TMEM150B: variants seen among roughly 807,000 people sequenced by gnomAD.
TMEM150B encodes the protein transmembrane protein 150B, also known as modulator of macroautophagy TMEM150B.
In TMEM150B, 33 loss-of-function variants were observed where a neutral mutation model predicts 25.2. The ratio of observed to expected loss-of-function variants is 1.31; its 90% CI spans 0.99 to 1.75. The LOEUF (loss-of-function observed/expected upper bound fraction) is 1.75, where lower values mean the gene tolerates loss of function less well. Among genes scored for constraint, TMEM150B ranks in the 40% most tolerant of loss-of-function variants. The pLI is 0.00. For missense variants in TMEM150B, 322 were observed against 306.1 expected, an observed-to-expected ratio of 1.05 and a Z score of -0.39; for synonymous variants, 133 against 134.8, an observed-to-expected ratio of 0.99 and a Z score of 0.09.
chr19:55,313,134 G>T (rs2088863595), intron 7 of TMEM150B, 79 bp from the exon 8 acceptor site: 3 of 1,433,264 alleles, frequency 2.1e-6, no homozygotes, highest in Non-Finnish European at 2.8e-6. Flanking sequence ...CTCGCGCTGG[G>T]CGGAGGCCGT....
Position 55,320,389 on chromosome 19 carries a change from A to G in TMEM150B, c.196+2T>C. On this transcript the variant is annotated splice_donor_variant, in intron 5 of 7. Transcript: ENST00000326652. LOFTEE classifies it high-confidence loss of function. ...TGAACCAAAGGGCTGGGCAATATTT[A>G]CCCAGAGCAGCTCCCATATTGAGCA... 1 of 1,547,134 alleles carries G rather than the reference A, an allele frequency of 6.5e-7. No homozygotes were observed.
At position 55,323,935 on chromosome 19, in the gene TMEM150B, T is replaced by C. The variant is rs757192000; in HGVS notation, c.-153-1192A>G. ...GATTCTCATGCCTCAGCCTCCCAAG[T>C]AGCTGGGATTACAGGTGCCCGCCAC... On this transcript the variant is annotated intron_variant, in intron 1 of 7. Coordinates refer to ENST00000326652, the MANE Select transcript of TMEM150B (RefSeq NM_001282011.2). Among the ~76,000 whole-genome samples, 393 of 147,776 alleles carry C rather than the reference T, an allele frequency of 2.7e-3. 1 individual carries two copies. Among genetic ancestry groups the C allele is most frequent in the Non-Finnish European group, 4.0e-3 (267 of 66,964 alleles).
chr19:55,315,334 G>A (rs1037614201), intron 7 of TMEM150B, among the ~76,000 whole-genome samples: 26 of 148,332 alleles, frequency 1.8e-4, no homozygotes, highest in African/African-American at 6.0e-4. Context: ...ATAATAACAA[G>A]ATAATAATAA....
At chr19:55,324,785 T>A in intron 1 of TMEM150B, 1 of 985,472 alleles carries the variant, frequency 1.0e-6, no homozygotes, top group South Asian at 4.7e-5. Flanking sequence ...CTCGTCTTCC[T>A]CCTTTCGCTT....
At chr19:55,315,628 G>T (rs1773492207) in intron 7 of TMEM150B, among the ~76,000 whole-genome samples, 1 of 152,156 alleles carries the variant, frequency 6.6e-6, no homozygotes, top group Admixed American at 6.5e-5. Flanking sequence ...GGGCATGGTG[G>T]CTGGCGCCTG....
chr19:55,318,634 T>A (rs1279488961), intron 6 of TMEM150B, among the ~76,000 whole-genome samples: 1 of 152,048 alleles, frequency 6.6e-6, no homozygotes. Flanking sequence ...AGACTCCATC[T>A]CCAATATATG....
At chr19:55,312,161 G>A (rs993687666), downstream of TMEM150B, 15 of 597,976 alleles carry the variant, frequency 2.5e-5, no homozygotes, top group Middle Eastern at 4.5e-4. Flanking sequence ...GGAACATGTC[G>A]GGAGGGGGGT....
At chr19:55,320,697 G>GC in intron 3 of TMEM150B, 80 bp from the exon 4 acceptor site, 2 of 1,541,246 alleles carry the variant, frequency 1.3e-6, no homozygotes, top group Non-Finnish European at 1.8e-6. Context: ...AGGACTTCTA[G>GC]CCCCCTCCAC....
chr19:55,319,832 A>G, intron 6 of TMEM150B: 1 of 1,408,904 alleles, frequency 7.1e-7, no homozygotes, highest in Non-Finnish European at 9.2e-7. Context: ...GAAGTCCTAC[A>G]TACAAACAGC....
chr19:55,316,515 C>T (rs1004910010), intron 7 of TMEM150B, among the ~76,000 whole-genome samples: 3 of 152,064 alleles, frequency 2.0e-5, no homozygotes, highest in Admixed American at 2.0e-4. Context: ...TCAGCCCTGT[C>T]GTTATCCACA....
At chr19:55,321,130 G>C (rs557547746) in intron 2 of TMEM150B, 37 bp from the exon 3 acceptor site, 102 of 1,502,334 alleles carry the variant, frequency 6.8e-5, no homozygotes, top group Non-Finnish European at 8.3e-5. Context: ...CCAGGTGCAT[G>C]AGATTGTGGC....
downstream of TMEM150B, chr19:55,312,535 A>G (rs2088831860): frequency 7.0e-6 from 1 of 142,968 alleles, no homozygotes; most frequent in Non-Finnish European, 1.5e-5. Context: ...GCCGGCGGCA[A>G]AAAAAAAAAA....
chr19:55,313,331 A>G (rs2088874159), intron 7 of TMEM150B, among the ~76,000 whole-genome samples: 1 of 151,842 alleles, frequency 6.6e-6, no homozygotes, highest in Non-Finnish European at 1.5e-5. Context: ...CCCTTCCCTG[A>G]CCCAGGGAAG....
intron 7 of TMEM150B, among the ~76,000 whole-genome samples, chr19:55,314,210 TAG>T (rs1312361957): frequency 6.6e-6 from 1 of 152,096 alleles, no homozygotes; most frequent in African/African-American, 2.4e-5. Context: ...TTAGTAGAGA[TAG>T]AGTTTCACCG....
chr19:55,316,742 T>G, intron 7 of TMEM150B, 44 bp downstream of exon 7: 2 of 1,426,152 alleles, frequency 1.4e-6, no homozygotes, highest in South Asian at 3.3e-5. Context: ...CCAACTCCAG[T>G]GAAGAGCCAC....
In TMEM150B at chr19:55,320,152, T is replaced by C. The variant is rs565858642; in HGVS notation, c.211A>G (p.Ile71Val). 3.7e-6 allele frequency: 6 copies of C among 1,613,786 alleles called. No homozygotes were observed. The highest frequency in any genetic ancestry group is 4.2e-6 in the Non-Finnish European group (5 of 1,179,976). Residue 71 changes from isoleucine (I) to valine (V), a missense_variant, in exon 6 of 8, where the codon ATT (isoleucine) becomes GTT (valine). Ile to Val is a conservative substitution (Grantham distance 29, BLOSUM62 3). Transcript: ENST00000326652. The stretch of plus-strand genomic sequence containing the variant: ...TCCCGGAGCTGGTGGTAACGGACAA[T>C]GCAGATCCACGCGGCTGGGAGTAGA... ...MGAALAAWIC[I>V]VRYHQLRDWG...
Position 55,321,082 on chromosome 19 carries a change from T to G in TMEM150B, c.-46A>C. The G allele has an allele frequency of 6.3e-7, 1 of 1,587,994 alleles. No individual in the cohort carries two copies. Among genetic ancestry groups the G allele is most frequent in the African/African-American group, 1.3e-5 (1 of 74,116 alleles). On this transcript the variant is annotated 5_prime_UTR_variant, in exon 3 of 8. Coordinates refer to ENST00000326652, the MANE Select transcript of TMEM150B (RefSeq NM_001282011.2). ...GATCGGGGCTGAGGCTGGACACCTG[T>G]CTCTCTCACACCTGAAGAACCAGCC...
chr19:55,322,685 G>C lies in TMEM150B; in HGVS notation c.-95C>G, dbSNP rs2089238351. 1 of 985,172 alleles carries C rather than the reference G, an allele frequency of 1.0e-6. No individual in the cohort carries two copies. The highest frequency in any genetic ancestry group is 1.7e-5 in the African/African-American group (1 of 57,162). The allele number at this position is 985,172 out of a possible 1,614,324, so 61.0% of individuals were successfully genotyped here. The stretch of plus-strand genomic sequence containing the variant: ...CCTGGGGCTCTCAGTCCTGGAGCTG[G>C]GGCTGGGTGAGCTCAGGGAAGAAGG... On this transcript the variant is annotated 5_prime_UTR_variant, in exon 2 of 8. Transcript: ENST00000326652.
Position 55,320,464 on chromosome 19 carries a change from G to A in TMEM150B, c.129-6C>T, listed in dbSNP as rs1270330454. 6.3e-7 allele frequency: 1 copy of A among 1,597,114 alleles called. No individual in the cohort carries two copies. The highest frequency in any genetic ancestry group is 8.5e-7 in the Non-Finnish European group (1 of 1,170,620). On this transcript the variant is annotated splice_region_variant and splice_polypyrimidine_tract_variant and intron_variant, in intron 4 of 7. Coordinates refer to ENST00000326652, the MANE Select transcript of TMEM150B (RefSeq NM_001282011.2). Reference sequence around the variant, plus strand: ...GGGGGAAGGATCCGCAGATGCTGGGGAAGACAAAGGGGTCATCCTGGGCAA... The same window carrying A: ...GGGGGAAGGATCCGCAGATGCTGGGAAAGACAAAGGGGTCATCCTGGGCAA...
Sources: gnomAD v4.1 joint callset for allele counts (sites outside exome capture counted in the v4.1 genomes callset) on GRCh38, gnomAD v4.1.1 for gene constraint, MANE v1.5 for transcripts, NCBI Gene and HGNC (gene_info 2026-07-23, HGNC 2026-07-21) for gene names.